PAK5: variants seen among roughly 807,000 people sequenced by gnomAD.
The protein encoded by PAK5 is p21 (RAC1) activated kinase 5, also known as serine/threonine-protein kinase PAK 5.
In PAK5, 16 loss-of-function variants were observed where a neutral mutation model predicts 65.9. The observed-to-expected ratio is 0.24, with a 90% CI of 0.16 to 0.37. The LOEUF (loss-of-function observed/expected upper bound fraction) is 0.37, where lower values mean the gene tolerates loss of function less well. PAK5 is among the 10% of genes least tolerant of loss of function. The probability of loss-of-function intolerance (pLI) is 1.00; values close to 1 mark genes in which losing one functional copy is unlikely to be tolerated. For synonymous variants in PAK5, 371 were observed against 354.9 expected, an observed-to-expected ratio of 1.05 and a Z score of -0.51; for missense variants, 785 against 903.9, an observed-to-expected ratio of 0.87 and a Z score of 1.69.
chr20:9,662,977 C>A (rs1226339740), intron 2 of PAK5, among the ~76,000 whole-genome samples: 1 of 152,002 alleles, frequency 6.6e-6, no homozygotes, highest in Admixed American at 6.6e-5. Flanking sequence ...GAATGGAATG[C>A]AAATATAAAA....
At chr20:9,664,172 T>A (rs2047382104) in intron 2 of PAK5, among the ~76,000 whole-genome samples, 1 of 152,102 alleles carries the variant, frequency 6.6e-6, no homozygotes, top group Admixed American at 6.6e-5. Flanking sequence ...CAACATAGAG[T>A]GACGTGTCTT....
intron 2 of PAK5, among the ~76,000 whole-genome samples, chr20:9,665,073 C>A (rs1458898484): frequency 1.2e-5 from 1 of 82,454 alleles, no homozygotes; most frequent in Non-Finnish European, 2.3e-5. Context: ...CCATGCCCAG[C>A]TAAATTTTTC....
At chr20:9,562,425 A>G (rs1395524965) in intron 6 of PAK5, among the ~76,000 whole-genome samples, 8 of 152,246 alleles carry the variant, frequency 5.3e-5, no homozygotes, top group Non-Finnish European at 1.2e-4. Context: ...ACTTGCAAGC[A>G]TATTTTAAAA....
chr20:9,569,411 T>C (rs1394862666), intron 4 of PAK5, among the ~76,000 whole-genome samples: 1 of 152,046 alleles, frequency 6.6e-6, no homozygotes, highest in Non-Finnish European at 1.5e-5. Context: ...TGATACTGAA[T>C]GTGTAAGAGA....
At chr20:9,675,924 T>G (rs1378073096) in intron 2 of PAK5, among the ~76,000 whole-genome samples, 1 of 152,246 alleles carries the variant, frequency 6.6e-6, no homozygotes, top group East Asian at 1.9e-4. Context: ...TAGCTATAAT[T>G]GTAAATTGGT....
intron 1 of PAK5, among the ~76,000 whole-genome samples, chr20:9,767,049 G>A (rs759504541): frequency 9.9e-5 from 15 of 151,980 alleles, no homozygotes; most frequent in Non-Finnish European, 1.9e-4. Context: ...CAGACCTGAG[G>A]GTATATATTG....
intron 3 of PAK5, among the ~76,000 whole-genome samples, chr20:9,637,081 G>C (rs190132652): frequency 2.3e-4 from 35 of 152,254 alleles, no homozygotes; most frequent in Non-Finnish European, 1.5e-5. Flanking sequence ...GCTCACTGTA[G>C]CTTTGACCAC....
At chr20:9,754,207 G>T (rs905866968) in intron 1 of PAK5, among the ~76,000 whole-genome samples, 1 of 152,134 alleles carries the variant, frequency 6.6e-6, no homozygotes, top group African/African-American at 2.4e-5. Context: ...CCACTGCCCA[G>T]ATATTAATAC....
chr20:9,557,523 TAAAAAA>T (rs2045525825), intron 7 of PAK5, 79 bp downstream of exon 7: 1 of 1,155,226 alleles, frequency 8.7e-7, no homozygotes, highest in Non-Finnish European at 1.2e-6. Flanking sequence ...ATTAGAGTTA[TAAAAAA>T]GTGTTTCTAA....
intron 1 of PAK5, among the ~76,000 whole-genome samples, chr20:9,827,636 G>T (rs1267451003): frequency 6.6e-6 from 1 of 151,916 alleles, no homozygotes; most frequent in Non-Finnish European, 1.5e-5. Flanking sequence ...GGGAGGGTGG[G>T]GGAATGTGGT....
chr20:9,627,788 G>A (rs756958717), intron 3 of PAK5, among the ~76,000 whole-genome samples: 9 of 151,964 alleles, frequency 5.9e-5, no homozygotes, highest in Non-Finnish European at 7.4e-5. Context: ...CACCACACCA[G>A]GCTAATTTTT....
chr20:9,795,357 T>C (rs968957283), intron 1 of PAK5, among the ~76,000 whole-genome samples: 2 of 152,130 alleles, frequency 1.3e-5, no homozygotes, highest in Non-Finnish European at 2.9e-5. Flanking sequence ...CTAAAATGAT[T>C]GAGCATTTTT....
chr20:9,562,788 C>T (rs931504612), intron 6 of PAK5, 103 bp downstream of exon 6: 21 of 1,034,584 alleles, frequency 2.0e-5, no homozygotes, highest in Non-Finnish European at 3.0e-5. Flanking sequence ...TATTCCCTGA[C>T]TCCAAAGTGC....
chr20:9,733,012 T>C (rs2048350469), intron 1 of PAK5, among the ~76,000 whole-genome samples: 1 of 152,212 alleles, frequency 6.6e-6, no homozygotes, highest in African/African-American at 2.4e-5. Context: ...GTTTGTATTT[T>C]ACTGGACACT....
At chr20:9,651,091 G>C (rs1382952157) in intron 2 of PAK5, among the ~76,000 whole-genome samples, 1 of 152,134 alleles carries the variant, frequency 6.6e-6, no homozygotes, top group African/African-American at 2.4e-5. Context: ...TTAGGGTTCT[G>C]GTTGAAAGCA....
In PAK5 at chr20:9,538,287, C is replaced by T. The variant is rs1183329951; in HGVS notation, c.*1175G>A. On this transcript the variant is annotated 3_prime_UTR_variant, in exon 10 of 10. Coordinates refer to ENST00000353224, the MANE Select transcript of PAK5 (RefSeq NM_177990.4). ...GTCAGATCATACCTGGTAAAATACC[C>T]TCTTGCTAATTCATCCTCTAGAGTC... 8.6e-6 allele frequency: 2 copies of T among 233,554 alleles called. No individual in the cohort carries two copies. The highest frequency in any genetic ancestry group is 2.2e-5 in the African/African-American group (1 of 45,340). 14.5% of individuals were successfully genotyped at this position (233,554 alleles called of 1,614,324 possible). A position where few individuals can be genotyped will look rare whatever the true frequency, so the allele number is the denominator to read the frequency against.
intron 4 of PAK5, among the ~76,000 whole-genome samples, chr20:9,568,808 G>A (rs2045726445): frequency 6.6e-6 from 1 of 152,124 alleles, no homozygotes; most frequent in Non-Finnish European, 1.5e-5. Flanking sequence ...CTCCAGCCTG[G>A]ATGACAGAGT....
At chr20:9,736,725 A>G (rs1362134821) in intron 1 of PAK5, among the ~76,000 whole-genome samples, 1 of 152,218 alleles carries the variant, frequency 6.6e-6, no homozygotes, top group Non-Finnish European at 1.5e-5. Context: ...TTTACAAGAA[A>G]TAACTTTAAG....
rs536418083 is a variant in PAK5 at position 9,568,040 on chromosome 20, C to A, written c.991-1656G>T. ...CTTAGTTTGTGAGGAAGAGCAGACG[C>A]TCAGCTATAGTGGAGTGTGTCCACT... On this transcript the variant is annotated intron_variant, in intron 4 of 9. Coordinates refer to ENST00000353224, the MANE Select transcript of PAK5 (RefSeq NM_177990.4). Among the ~76,000 whole-genome samples the A allele has an allele frequency of 4.6e-5, 7 of 152,254 alleles. No individual in the cohort carries two copies. The East Asian group carries it at 1.4e-3, about 29-fold the overall frequency.
Sources: allele counts gnomAD v4.1 joint callset (sites outside exome capture counted in the v4.1 genomes callset), GRCh38; gene constraint gnomAD v4.1.1; transcripts MANE v1.5; gene names NCBI Gene and HGNC (gene_info 2026-07-23, HGNC 2026-07-21).